KIAA0753: variants seen among roughly 807,000 people sequenced by gnomAD.
KIAA0753 encodes the protein protein moonraker.
In KIAA0753, 114 loss-of-function variants were observed where a neutral mutation model predicts 116.9. That is an observed-to-expected ratio of 0.98 (90% CI 0.84 to 1.14). The LOEUF (loss-of-function observed/expected upper bound fraction) is 1.14. Ranked by LOEUF, KIAA0753 falls within the 50% of genes most tolerant of loss-of-function variation. The probability of loss-of-function intolerance (pLI) is 0.00; values close to 1 mark genes in which losing one functional copy is unlikely to be tolerated. For synonymous variants in KIAA0753, 405 were observed against 413.1 expected, an observed-to-expected ratio of 0.98 and a Z score of 0.24; for missense variants, 1,156 against 1,172.4, an observed-to-expected ratio of 0.99 and a Z score of 0.20.
At chr17:6,627,598 T>C (rs2150905200) in intron 3 of KIAA0753, among the ~76,000 whole-genome samples, 1 of 152,312 alleles carries the variant, frequency 6.6e-6, no homozygotes, top group South Asian at 2.1e-4. Flanking sequence ...AAACCATATA[T>C]GATGATTAAA....
At position 6,579,541 on chromosome 17, in the gene KIAA0753, AT is replaced by A; in HGVS notation, c.*205del. ...GCCTGGGCACTGATAAGTGTGATAC[AT>A]TGCATCATACATTTCCAGAACCATT... On this transcript the variant is annotated 3_prime_UTR_variant, in exon 19 of 19. Coordinates refer to ENST00000361413, the MANE Select transcript of KIAA0753 (RefSeq NM_014804.3). 1 of 563,274 alleles carries A rather than the reference AT, an allele frequency of 1.8e-6. No individual in the cohort carries two copies. The highest frequency in any genetic ancestry group is 2.2e-5 in the South Asian group (1 of 44,840). The allele number at this position is 563,274 out of a possible 1,614,324, so 34.9% of individuals were successfully genotyped here.
chr17:6,588,860 T>C (rs1968777678), intron 18 of KIAA0753, among the ~76,000 whole-genome samples: 1 of 152,196 alleles, frequency 6.6e-6, no homozygotes, highest in African/African-American at 2.4e-5. Flanking sequence ...TCTTGTTTTG[T>C]GACTCCACAA....
intron 8 of KIAA0753, 119 bp from the exon 9 acceptor site, chr17:6,610,279 C>T: frequency 2.1e-6 from 2 of 933,838 alleles, no homozygotes; most frequent in Non-Finnish European, 2.9e-6. Context: ...TCGGTAAAAC[C>T]TGAGTAGAAA....
chr17:6,596,290 C>CA lies in KIAA0753; in HGVS notation c.2225dup (p.Leu742PhefsTer7). The CA allele has an allele frequency of 4.3e-6, 6 of 1,399,218 alleles. No homozygotes were observed. The highest frequency in any genetic ancestry group is 5.7e-6 in the Non-Finnish European group (6 of 1,048,970). The allele number at this position is 1,399,218 out of a possible 1,614,324, so 86.7% of individuals were successfully genotyped here. Reference sequence around the variant, plus strand: ...CCCAGAGCTCACTGGCACAATCTTCCAAAAAATCATCAAGCTGACGAATGT... The same window carrying CA: ...CCCAGAGCTCACTGGCACAATCTTCCAAAAAAATCATCAAGCTGACGAATGT... On this transcript the variant is annotated frameshift_variant, in exon 15 of 19. Transcript: ENST00000361413. LOFTEE classifies it high-confidence loss of function.
chr17:6,629,824 A>G (rs1330008491), intron 2 of KIAA0753, among the ~76,000 whole-genome samples: 1 of 152,244 alleles, frequency 6.6e-6, no homozygotes, highest in Non-Finnish European at 1.5e-5. Context: ...TTTAAAAAGT[A>G]GTTAGAAAGC....
chr17:6,617,795 G>A (rs1388519307), intron 7 of KIAA0753, among the ~76,000 whole-genome samples: 1 of 152,198 alleles, frequency 6.6e-6, no homozygotes, highest in African/African-American at 2.4e-5. Flanking sequence ...CCTATGCGAT[G>A]AAGCCTCCGT....
intron 7 of KIAA0753, among the ~76,000 whole-genome samples, chr17:6,613,450 T>A (rs76661827): frequency 0.06 from 9,113 of 152,160 alleles, 449 homozygotes; most frequent in African/African-American, 0.13. Context: ...AAAATCCCAG[T>A]AGCCCAAATA....
chr17:6,584,155 G>A (rs200217151), intron 18 of KIAA0753, among the ~76,000 whole-genome samples: 108 of 33,384 alleles, frequency 3.2e-3, no homozygotes, highest in African/African-American at 0.019. Flanking sequence ...AGCAACCCGT[G>A]AATTCCAGCC....
At chr17:6,591,043 A>AGAAGGAAGAAGGAAGAAGGAAGAAG (rs1480196381) in intron 16 of KIAA0753, among the ~76,000 whole-genome samples, 2 of 32,638 alleles carry the variant, frequency 6.1e-5, no homozygotes, top group African/African-American at 1.0e-4. Flanking sequence ...GGAAGAAGGA[A>AGAAGGAAGAAGGAAGAAGGAAGAAG]GAAGAAGAAG....
At chr17:6,586,266 C>T (rs1334002007) in intron 18 of KIAA0753, among the ~76,000 whole-genome samples, 1 of 152,186 alleles carries the variant, frequency 6.6e-6, no homozygotes, top group Non-Finnish European at 1.5e-5. Flanking sequence ...GCCTGCAGAA[C>T]TGTAAGCTAA....
At chr17:6,607,565 T>C (rs920444043) in intron 10 of KIAA0753, among the ~76,000 whole-genome samples, 3 of 152,224 alleles carry the variant, frequency 2.0e-5, no homozygotes, top group Non-Finnish European at 4.4e-5. Flanking sequence ...ACCATTGCTA[T>C]ATCTTCAAGT....
rs1567561891 is a variant in KIAA0753, at chr17:6,610,019, T to TG, written c.1686dup (p.Thr563HisfsTer8). 9 of 1,613,922 alleles carry TG rather than the reference T, an allele frequency of 5.6e-6. No individual in the cohort carries two copies. Among genetic ancestry groups the TG allele is most frequent in the Non-Finnish European group, 7.6e-6 (9 of 1,179,974 alleles). On this transcript the variant is annotated frameshift_variant, in exon 9 of 19. Transcript: ENST00000361413. LOFTEE classifies it high-confidence loss of function. ...CATTTAGGAGACGCTGGTGGGGATG[T>TG]GGGGTTTGGGGGTATCCATGGTGCC...
intron 18 of KIAA0753, among the ~76,000 whole-genome samples, chr17:6,589,090 A>G (rs1968795611): frequency 6.6e-6 from 1 of 152,182 alleles, no homozygotes; most frequent in Admixed American, 6.5e-5. Context: ...TTGTACTTCT[A>G]TTGTTAGGGG....
chr17:6,600,232 T>C, intron 13 of KIAA0753, 148 bp downstream of exon 13: 1 of 654,300 alleles, frequency 1.5e-6, no homozygotes, highest in Non-Finnish European at 2.7e-6. Context: ...ATGGAGGGCA[T>C]ATCAGTAGTG....
chr17:6,631,960 G>A (rs1273742073), intron 2 of KIAA0753, among the ~76,000 whole-genome samples: 3 of 152,086 alleles, frequency 2.0e-5, no homozygotes, highest in Admixed American at 1.3e-4. Context: ...TTGGCTCACT[G>A]CAACCTCCGC....
At chr17:6,601,372 G>A (rs952049045) in intron 12 of KIAA0753, among the ~76,000 whole-genome samples, 15 of 152,166 alleles carry the variant, frequency 9.9e-5, no homozygotes, top group African/African-American at 3.6e-4. Flanking sequence ...CTGAAAAGAG[G>A]CAGCGGTCAC....
chr17:6,628,900 C>G (rs1971855544), intron 2 of KIAA0753, among the ~76,000 whole-genome samples, 159 bp from the exon 3 acceptor site: 1 of 152,190 alleles, frequency 6.6e-6, no homozygotes, highest in Non-Finnish European at 1.5e-5. Flanking sequence ...CTCCTACACC[C>G]TTGGGTTCAT....
intron 7 of KIAA0753, among the ~76,000 whole-genome samples, chr17:6,616,073 G>A (rs779569287): frequency 2.0e-4 from 31 of 151,936 alleles, no homozygotes; most frequent in Non-Finnish European, 2.4e-4. Flanking sequence ...AACAGAAACA[G>A]GAAAATGTAA....
intron 18 of KIAA0753, among the ~76,000 whole-genome samples, chr17:6,587,492 C>T (rs114224678): frequency 0.012 from 1,888 of 152,316 alleles, 48 homozygotes; most frequent in African/African-American, 0.044. Flanking sequence ...AACAGTCTAT[C>T]TTCCTTGGCT....
Sources: gnomAD v4.1 joint callset for allele counts (sites outside exome capture counted in the v4.1 genomes callset) on GRCh38, gnomAD v4.1.1 for gene constraint, MANE v1.5 for transcripts, NCBI Gene and HGNC (gene_info 2026-07-23, HGNC 2026-07-21) for gene names.